Variants in ZIC4 observed in about 807,000 individuals in gnomAD.
ZIC4 encodes zinc finger protein ZIC 4.
In ZIC4, 15 loss-of-function variants were observed where a neutral mutation model predicts 28.8. The ratio of observed to expected loss-of-function variants is 0.52; its 90% CI spans 0.35 to 0.80. The LOEUF is 0.80. ZIC4 is among the 30% of genes least tolerant of loss of function. The probability of loss-of-function intolerance (pLI) is 0.01; values close to 1 mark genes in which losing one functional copy is unlikely to be tolerated. For synonymous variants in ZIC4, 220 were observed against 198.1 expected (o/e 1.11, Z -0.93); for missense variants, 512 against 467.1 (o/e 1.10, Z -0.89).
At chr3:147,392,131 C>A in intron 3 of ZIC4, 1 of 985,646 alleles carries the variant, frequency 1.0e-6, no homozygotes, top group Non-Finnish European at 1.2e-6. Context: ...ACCTGGCTGT[C>A]GGGCCTCTCG....
In ZIC4 at chr3:147,396,385, T is replaced by A; in HGVS notation, c.155A>T (p.Gln52Leu). ...VFPGLHEEPP[Q>L]ASPSRPLNGL... ...ATTCAAAGGACGGCTGGGGGAGGCC[T>A]GGGGAGGCTCCTCGTGGAGGCCCGG... Residue 52 changes from glutamine to leucine, a missense_variant, in exon 3 of 5, where the codon CAG (glutamine) becomes CTG (leucine). Physicochemically the swap from Gln to Leu is moderately radical, Grantham distance 113. Around this residue, in one of 3 missense-constraint regions of ZIC4, gnomAD observed 310 missense variants for 256.5 expected, o/e 1.21. Coordinates refer to ENST00000383075, the MANE Select transcript of ZIC4 (RefSeq NM_032153.6). This position sits in a 1 kb window ranked among gnomAD's most constrained non-coding sequence, Gnocchi z 4.2. 1 of 1,531,110 alleles carries A rather than the reference T, an allele frequency of 6.5e-7. No individual in the cohort carries two copies. The highest frequency in any genetic ancestry group is 8.7e-7 in the Non-Finnish European group (1 of 1,143,718). 94.8% of individuals were successfully genotyped at this position (1,531,110 alleles called of 1,614,324 possible). A position where few individuals can be genotyped will look rare whatever the true frequency, so the allele number is the denominator to read the frequency against.
intron 4 of ZIC4, among the ~76,000 whole-genome samples, chr3:147,390,429 G>A (rs1222417344): frequency 6.6e-6 from 1 of 151,996 alleles, no homozygotes; most frequent in African/African-American, 2.4e-5. Flanking sequence ...GGGTGGGAGC[G>A]GCCCAGTCCT....
intron 2 of ZIC4, among the ~76,000 whole-genome samples, chr3:147,400,366 A>G (rs1028089329): frequency 2.0e-5 from 3 of 152,214 alleles, no homozygotes; most frequent in South Asian, 2.1e-4. Flanking sequence ...GCCAGCAGCA[A>G]AAGGGCAAAC....
At chr3:147,401,796 A>T (rs1162592467) in intron 2 of ZIC4, among the ~76,000 whole-genome samples, 2 of 152,276 alleles carry the variant, frequency 1.3e-5, no homozygotes, top group Non-Finnish European at 2.9e-5. Context: ...TATGGAAGAA[A>T]ATATACTTGG....
rs769874119 is a variant in ZIC4, at chr3:147,395,860, G to A, written c.680C>T (p.Thr227Ile). The change falls in exon 3 of 5, where the codon ACT becomes ATT. Residue 227 changes from threonine to isoleucine, a missense_variant. Thr to Ile is a moderately conservative substitution (Grantham distance 89). Around this residue, in one of 3 missense-constraint regions of ZIC4, gnomAD observed 58 missense variants for 93.8 expected, o/e 0.62. Coordinates refer to ENST00000383075, the MANE Select transcript of ZIC4 (RefSeq NM_032153.6). ...CAGCGCCGAATACTGACCTGTGTGA[G>A]TTCGTTTGTGTATTTTGAGATTTTC... ...RSENLKIHKR[T>I]HTGEKPFRCE... 1.2e-6 allele frequency: 2 copies of A among 1,612,670 alleles called. No homozygotes were observed. Among genetic ancestry groups the A allele is most frequent in the Non-Finnish European group, 1.7e-6 (2 of 1,179,054 alleles).
At chr3:147,404,451 C>A (rs1301752511) in intron 1 of ZIC4, among the ~76,000 whole-genome samples, 2 of 152,214 alleles carry the variant, frequency 1.3e-5, no homozygotes, top group Non-Finnish European at 2.9e-5. Flanking sequence ...TTAGTTCAAA[C>A]TCTGACACCA....
chr3:147,389,783 C>T lies in ZIC4; in HGVS notation c.*-924G>A, dbSNP rs574526427. Among the ~76,000 whole-genome samples, 18 of 152,298 alleles carry T rather than the reference C, an allele frequency of 1.2e-4. No homozygotes were observed. The South Asian group carries it at 2.9e-3, about 25-fold the overall frequency. ...GATCATTTCTCTAGTTCCTCCTACA[C>T]CTTTTTAAAAATAAGACGAACATTG... is the stretch of plus-strand genomic sequence containing the variant. On this transcript the variant is annotated intron_variant, in intron 4 of 4. Coordinates refer to ENST00000383075, the MANE Select transcript of ZIC4 (RefSeq NM_032153.6).
Position 147,402,882 on chromosome 3 carries a change from G to A in ZIC4, c.-15-70C>T, listed in dbSNP as rs2087198271. ...ACACGTCTGTGTGGCAACATCCTGT[G>A]GTTTGAATGTATGAATGAAAGAAGG... On this transcript the variant is annotated intron_variant, in intron 1 of 4. Transcript: ENST00000383075. 3.9e-6 allele frequency: 5 copies of A among 1,288,316 alleles called. No homozygotes were observed. The South Asian group carries it at 6.3e-5, about 16-fold the overall frequency. The allele number at this position is 1,288,316 out of a possible 1,614,324, so 79.8% of individuals were successfully genotyped here.
At chr3:147,404,334 A>G in intron 1 of ZIC4, 2 of 1,300,782 alleles carry the variant, frequency 1.5e-6, no homozygotes, top group Non-Finnish European at 2.0e-6. Flanking sequence ...AGACATGCAA[A>G]CAAATATTGC....
chr3:147,392,497 T>C (rs1405462723), intron 3 of ZIC4: 2 of 948,248 alleles, frequency 2.1e-6, no homozygotes, highest in African/African-American at 1.8e-5. Context: ...CTGCCGGAGC[T>C]GCAAGTGCTG....
In ZIC4 at chr3:147,388,821, C is replaced by A; in HGVS notation, c.*38G>T. 2 of 777,172 alleles carry A rather than the reference C, an allele frequency of 2.6e-6. No individual in the cohort carries two copies. The highest frequency in any genetic ancestry group is 2.4e-6 in the Non-Finnish European group (1 of 417,058). The allele number at this position is 777,172 out of a possible 1,614,324, so 48.1% of individuals were successfully genotyped here. ...GCGCGAGATGCGGGGCGCTCAGCTG[C>A]GCGGAGCGAGATTACCTTGCGAGCA... On this transcript the variant is annotated 3_prime_UTR_variant, in exon 5 of 5. Coordinates refer to ENST00000383075, the MANE Select transcript of ZIC4 (RefSeq NM_032153.6).
At chr3:147,390,846 G>GGCA (rs1576454692) in intron 4 of ZIC4, 85 bp downstream of exon 4, 6 of 1,470,192 alleles carry the variant, frequency 4.1e-6, no homozygotes, top group South Asian at 2.8e-5. Context: ...AGGCGGCGGC[G>GGCA]GCAGCAGCAG....
At position 147,406,404 on chromosome 3, in the gene ZIC4, C is replaced by G. The variant is rs1159751034; in HGVS notation, c.-57G>C. On this transcript the variant is annotated 5_prime_UTR_variant, in exon 1 of 5. The change abolishes an upstream ATG in the 5' untranslated region. Transcript: ENST00000383075. ...CCAGGATCGCCTCATTTCTGCACAT[C>G]ATTTCGGGGTGGCTGAGAGGGGACC... The G allele has an allele frequency of 6.6e-6, 1 of 152,584 alleles. No homozygotes were observed. The highest frequency in any genetic ancestry group is 1.5e-5 in the Non-Finnish European group (1 of 68,102). The allele number at this position is 152,584 out of a possible 1,614,324, so 9.5% of individuals were successfully genotyped here. A position where few individuals can be genotyped will look rare whatever the true frequency, so the allele number is the denominator to read the frequency against.
intron 2 of ZIC4, among the ~76,000 whole-genome samples, chr3:147,400,250 G>T (rs1232193037): frequency 6.6e-6 from 1 of 152,106 alleles, no homozygotes; most frequent in Non-Finnish European, 1.5e-5. Context: ...TGGACTCCAG[G>T]GTTAAGAAAC....
At chr3:147,394,924 GC>G (rs2087007261) in intron 3 of ZIC4, among the ~76,000 whole-genome samples, 1 of 152,186 alleles carries the variant, frequency 6.6e-6, no homozygotes, top group Admixed American at 6.5e-5. Context: ...GAGAAGTGGG[GC>G]ACCAAGCTGG....
chr3:147,400,443 T>C (rs1220232259), intron 2 of ZIC4, among the ~76,000 whole-genome samples: 1 of 152,216 alleles, frequency 6.6e-6, no homozygotes, highest in African/African-American at 2.4e-5. Flanking sequence ...AGATGCAGCC[T>C]TCTCTTGAAA....
intron 1 of ZIC4, chr3:147,405,555 A>C (rs1429294805): frequency 7.2e-7 from 1 of 1,393,466 alleles, no homozygotes; most frequent in Non-Finnish European, 9.8e-7. Context: ...ATTGGCCCCT[A>C]ATTTCCAATG....
intron 1 of ZIC4, among the ~76,000 whole-genome samples, chr3:147,404,471 C>T (rs980143418): frequency 6.6e-6 from 1 of 152,226 alleles, no homozygotes; most frequent in Admixed American, 6.5e-5. Context: ...ACTTAGCAAA[C>T]AAGCCAGTCA....
chr3:147,386,530 CA>C lies in ZIC4; in HGVS notation c.*2328del, dbSNP rs1156338852. 1.3e-5 allele frequency: 2 copies of C among 152,640 alleles called. No homozygotes were observed. The highest frequency in any genetic ancestry group is 6.5e-5 in the Admixed American group (1 of 15,284). The allele number at this position is 152,640 out of a possible 1,614,324, so 9.5% of individuals were successfully genotyped here. A position where few individuals can be genotyped will look rare whatever the true frequency, so the allele number is the denominator to read the frequency against. ...GCAACTATAATAACAGCATGGGTTACAGCTTGGAAAAACTTCTTTACAAGCC... is the reference window on the plus strand; with the variant it reads ...GCAACTATAATAACAGCATGGGTTACGCTTGGAAAAACTTCTTTACAAGCC... On this transcript the variant is annotated 3_prime_UTR_variant, in exon 5 of 5. Coordinates refer to ENST00000383075, the MANE Select transcript of ZIC4 (RefSeq NM_032153.6).
Sources: gnomAD v4.1 joint callset for allele counts (sites outside exome capture counted in the v4.1 genomes callset) on GRCh38, gnomAD v4.1.1 for gene constraint, gnomAD v4.1.1 regional missense constraint, Gnocchi (gnomAD v3.1) non-coding constraint, MANE v1.5 for transcripts, NCBI Gene and HGNC (gene_info 2026-07-23, HGNC 2026-07-21) for gene names.